DIAPH3: variants seen among roughly 807,000 people sequenced by gnomAD.
DIAPH3 encodes the protein protein diaphanous homolog 3.
A neutral mutation model predicts 144.3 loss-of-function variants in DIAPH3; 117 were observed. The ratio of observed to expected loss-of-function variants is 0.81; its 90% CI spans 0.70 to 0.95. The LOEUF (loss-of-function observed/expected upper bound fraction) is 0.95, where lower values mean the gene tolerates loss of function less well. Among genes scored for constraint, DIAPH3 ranks in the 40% least tolerant of loss-of-function variants. The probability of loss-of-function intolerance (pLI) is 0.00; values close to 1 mark genes in which losing one functional copy is unlikely to be tolerated. For missense variants in DIAPH3, 1,421 were observed against 1,412.7 expected (o/e 1.01, Z -0.09); for synonymous variants, 519 against 488.9 (o/e 1.06, Z -0.81).
chr13:60,119,746 CAAAAAAAAAAAAAAAA>C (rs34356415), intron 2 of DIAPH3, among the ~76,000 whole-genome samples: 1 of 49,532 alleles, frequency 2.0e-5, no homozygotes, highest in African/African-American at 8.8e-5. Context: ...GACTCCGTCT[CAAAAAAAAAAAAAAAA>C]AAAAAAAAAG....
chr13:60,117,659 T>TC (rs1410064663), intron 2 of DIAPH3, among the ~76,000 whole-genome samples: 1 of 152,122 alleles, frequency 6.6e-6, no homozygotes, highest in Non-Finnish European at 1.5e-5. Flanking sequence ...TTACTATGAT[T>TC]CCATTCACAC....
At chr13:59,889,372 C>A (rs371805605) in intron 20 of DIAPH3, among the ~76,000 whole-genome samples, 1 of 152,090 alleles carries the variant, frequency 6.6e-6, no homozygotes, top group African/African-American at 2.4e-5. Flanking sequence ...GACTCCTCTG[C>A]CATCTCCAAT....
intron 1 of DIAPH3, chr13:60,153,423 C>T (rs946424432): frequency 2.6e-5 from 4 of 152,074 alleles, no homozygotes; most frequent in African/African-American, 4.8e-5. Context: ...ACTTCATCTA[C>T]ATCCTCAAGC....
intron 20 of DIAPH3, among the ~76,000 whole-genome samples, chr13:59,905,720 AT>A (rs1379939725): frequency 6.6e-6 from 1 of 152,184 alleles, no homozygotes; most frequent in East Asian, 1.9e-4. Context: ...CAGGGTCCTT[AT>A]AAGAGGGAAG....
intron 22 of DIAPH3, among the ~76,000 whole-genome samples, chr13:59,854,140 G>T (rs1374096287): frequency 6.6e-6 from 1 of 152,090 alleles, no homozygotes. Flanking sequence ...GTGAGAAGAT[G>T]CAGGCAGAGA....
chr13:59,668,265 G>C (rs180777777), intron 27 of DIAPH3, among the ~76,000 whole-genome samples: 1 of 152,232 alleles, frequency 6.6e-6, no homozygotes, highest in Non-Finnish European at 1.5e-5. Context: ...TTCTTTTCTA[G>C]CTCCCACACC....
chr13:59,827,603 A>G (rs1459193046), intron 24 of DIAPH3, among the ~76,000 whole-genome samples: 1 of 152,048 alleles, frequency 6.6e-6, no homozygotes, highest in African/African-American at 2.4e-5. Context: ...AGAGAATAGT[A>G]AAAGAACTTT....
intron 24 of DIAPH3, among the ~76,000 whole-genome samples, chr13:59,811,736 CA>C (rs59712985): frequency 3.5e-3 from 197 of 56,768 alleles, no homozygotes; most frequent in Admixed American, 0.017. Context: ...GACTCTGTCT[CA>C]AAAAAAAAAA....
At chr13:59,832,039 T>A (rs114735186) in intron 24 of DIAPH3, among the ~76,000 whole-genome samples, 1,536 of 151,936 alleles carry the variant, frequency 0.01, 29 homozygotes, top group African/African-American at 0.035. Flanking sequence ...GACTGCAAAG[T>A]CTTTACTATT....
chr13:60,128,218 T>C (rs574113397), intron 2 of DIAPH3, among the ~76,000 whole-genome samples: 1 of 152,284 alleles, frequency 6.6e-6, no homozygotes, highest in South Asian at 2.1e-4. Context: ...GCTCCATCCA[T>C]GTTCCTGCAA....
chr13:59,758,476 T>C (rs922548881), intron 27 of DIAPH3, among the ~76,000 whole-genome samples: 6 of 152,226 alleles, frequency 3.9e-5, no homozygotes, highest in Non-Finnish European at 7.3e-5. Context: ...AGGACATGTG[T>C]GGAATGTGAG....
chr13:60,161,118 G>A (rs960623299), intron 1 of DIAPH3, among the ~76,000 whole-genome samples: 1 of 152,132 alleles, frequency 6.6e-6, no homozygotes, highest in African/African-American at 2.4e-5. Context: ...CAAAACACTG[G>A]CCACCTAAAT....
In DIAPH3 at chr13:60,153,294, G is replaced by C. The variant is rs1951884941; in HGVS notation, c.180+10293C>G. On this transcript the variant is annotated intron_variant, in intron 1 of 27. Transcript: ENST00000400324. ...AGATTTCAAGAGAAAAATGAATATAGAAGCTGGAAGTATAAGAGTTTTTAT... is the reference window on the plus strand; with the variant it reads ...AGATTTCAAGAGAAAAATGAATATACAAGCTGGAAGTATAAGAGTTTTTAT... 3 of 152,014 alleles carry C rather than the reference G, an allele frequency of 2.0e-5. No homozygotes were observed. In the South Asian group the frequency reaches 6.2e-4, roughly 32 times the overall value. 9.4% of individuals were successfully genotyped at this position (152,014 alleles called of 1,614,324 possible).
intron 27 of DIAPH3, among the ~76,000 whole-genome samples, chr13:59,761,139 C>A (rs1256950746): frequency 1.3e-5 from 2 of 152,082 alleles, no homozygotes; most frequent in Admixed American, 6.5e-5. Flanking sequence ...CCTTTAAAAG[C>A]ATAAAAATAT....
In DIAPH3 at chr13:60,071,762, C is replaced by A. The variant is rs2057216149; in HGVS notation, c.495+21866G>T. On this transcript the variant is annotated intron_variant, in intron 4 of 27. Transcript: ENST00000400324. Reference sequence around the variant, plus strand: ...AAGTTTTCTTCTATCTATACTTGATCCCTCTGCCCAGAGAAATATGTGTGA... The same window carrying A: ...AAGTTTTCTTCTATCTATACTTGATACCTCTGCCCAGAGAAATATGTGTGA... Among the ~76,000 whole-genome samples the A allele has an allele frequency of 2.0e-5, 3 of 152,186 alleles. No homozygotes were observed. In the South Asian group the frequency reaches 6.2e-4, roughly 32 times the overall value.
chr13:60,136,752 A>G (rs936192806), intron 1 of DIAPH3, among the ~76,000 whole-genome samples: 9 of 151,896 alleles, frequency 5.9e-5, no homozygotes, highest in Admixed American at 3.9e-4. Context: ...TGGCTAACAC[A>G]GTGAAACCCC....
In DIAPH3 at chr13:59,969,974, G is replaced by A. The variant is rs752804389; in HGVS notation, c.2044C>T (p.Leu682Phe). Residue 682 changes from leucine to phenylalanine, a missense_variant, in exon 17 of 28, where the codon CTT becomes TTT. Leu to Phe is a conservative substitution (Grantham distance 22). Transcript: ENST00000400324. ...TGTTGGCAACAAAATGTATTCTCAA[G>A]TTTACAAAGCAAATCCACGTTTTCA... ...KYENVDLLCKLENTFCCQQKE... is the reference protein window; with the variant it reads ...KYENVDLLCKFENTFCCQQKE... 16 of 1,607,614 alleles carry A rather than the reference G, an allele frequency of 1.0e-5. No homozygotes were observed. Among genetic ancestry groups the A allele is most frequent in the African/African-American group, 4.0e-5 (3 of 74,704 alleles).
chr13:59,811,158 AT>A (rs781113387), intron 24 of DIAPH3, among the ~76,000 whole-genome samples: 1 of 152,138 alleles, frequency 6.6e-6, no homozygotes, highest in Non-Finnish European at 1.5e-5. Flanking sequence ...AAACATCCAC[AT>A]CTTGATGGAA....
chr13:59,808,146 C>T (rs961477346), intron 25 of DIAPH3, among the ~76,000 whole-genome samples: 1 of 151,022 alleles, frequency 6.6e-6, no homozygotes, highest in East Asian at 1.9e-4. Flanking sequence ...AAAAAAATCA[C>T]AAAGGCAAAT....
Sources: allele counts gnomAD v4.1 joint callset (sites outside exome capture counted in the v4.1 genomes callset), GRCh38; gene constraint gnomAD v4.1.1; transcripts MANE v1.5; gene names NCBI Gene and HGNC (gene_info 2026-07-23, HGNC 2026-07-21).